CSMD2: variants seen among roughly 807,000 people sequenced by gnomAD.
CSMD2 encodes the protein CUB and sushi domain-containing protein 2.
In CSMD2, 130 loss-of-function variants were observed where a neutral mutation model predicts 398.5. That is an observed-to-expected ratio of 0.33 (90% confidence interval 0.28 to 0.38). The LOEUF is 0.38. Ranked by LOEUF, CSMD2 falls within the 10% of genes least tolerant of loss-of-function variation. The probability of loss-of-function intolerance (pLI) is 1.00; values close to 1 mark genes in which losing one functional copy is unlikely to be tolerated. For missense variants in CSMD2, 3,829 were observed against 4,764.9 expected, an observed-to-expected ratio of 0.80 and a Z score of 5.78; for synonymous variants, 1,828 against 1,908.5, an observed-to-expected ratio of 0.96 and a Z score of 1.10.
At chr1:33,889,532 A>G (rs1258196266) in intron 5 of CSMD2, among the ~76,000 whole-genome samples, 1 of 152,194 alleles carries the variant, frequency 6.6e-6, no homozygotes, top group Non-Finnish European at 1.5e-5. Flanking sequence ...TATTTTAAAG[A>G]AAGCTATCCT....
chr1:33,710,543 G>A (rs889120751), intron 21 of CSMD2, among the ~76,000 whole-genome samples: 5 of 152,158 alleles, frequency 3.3e-5, no homozygotes, highest in African/African-American at 1.2e-4. Flanking sequence ...TGGACATATG[G>A]GGAATTTGGA....
At position 33,935,013 on chromosome 1, in the gene CSMD2, T is replaced by TA. The variant is rs537683892; in HGVS notation, c.712+746dup. On this transcript the variant is annotated intron_variant, in intron 4 of 70. Transcript: ENST00000373381. Reference sequence around the variant, plus strand: ...AGGAAGATCCTGTCTCAAATAAAATTAAAAAAAAAAAAAAAAAGAAAAAAG... The same window carrying TA: ...AGGAAGATCCTGTCTCAAATAAAATTAAAAAAAAAAAAAAAAAAGAAAAAAG... Among the ~76,000 whole-genome samples the TA allele has an allele frequency of 9.7e-3, 410 of 42,300 alleles. 1 individual carries two copies. Among genetic ancestry groups the TA allele is most frequent in the African/African-American group, 0.016 (252 of 15,688 alleles). 27.8% of individuals were successfully genotyped at this position (42,300 alleles called of 152,430 possible).
At chr1:33,921,826 G>A (rs1043857419) in intron 4 of CSMD2, among the ~76,000 whole-genome samples, 9 of 152,302 alleles carry the variant, frequency 5.9e-5, no homozygotes, top group African/African-American at 1.9e-4. Context: ...TTAGAAAGAT[G>A]ATTTGGTCCC....
At chr1:33,705,577 A>C (rs1486139950) in intron 22 of CSMD2, among the ~76,000 whole-genome samples, 5 of 152,114 alleles carry the variant, frequency 3.3e-5, no homozygotes, top group Admixed American at 3.3e-4. Context: ...CCTGTAAAAT[A>C]GTTAAGGCCT....
At chr1:33,863,848 A>G in intron 5 of CSMD2, 1 of 200,540 alleles carries the variant, frequency 5.0e-6, no homozygotes, top group Non-Finnish European at 1.0e-5. Flanking sequence ...AGCCAAGGAG[A>G]ATTATTTCTG....
chr1:33,816,950 T>C (rs1657533956), intron 9 of CSMD2, among the ~76,000 whole-genome samples: 1 of 152,208 alleles, frequency 6.6e-6, no homozygotes. Context: ...ATAATACCAT[T>C]ATTATGGTAA....
intron 5 of CSMD2, among the ~76,000 whole-genome samples, chr1:33,855,571 A>G (rs938429653): frequency 4.6e-5 from 7 of 152,184 alleles, no homozygotes; most frequent in African/African-American, 1.7e-4. Flanking sequence ...TTTATCCTCC[A>G]GGAGTCAGTC....
At chr1:33,794,316 G>A (rs1654689263) in intron 10 of CSMD2, among the ~76,000 whole-genome samples, 1 of 152,224 alleles carries the variant, frequency 6.6e-6, no homozygotes, top group Non-Finnish European at 1.5e-5. Context: ...ACGTCAGTGG[G>A]TCTACAGATA....
chr1:34,100,945 C>A (rs1273082765), intron 1 of CSMD2, among the ~76,000 whole-genome samples: 1 of 152,162 alleles, frequency 6.6e-6, no homozygotes, highest in Non-Finnish European at 1.5e-5. Flanking sequence ...TGACCTCTCT[C>A]AGGGATGGCT....
intron 4 of CSMD2, among the ~76,000 whole-genome samples, chr1:33,929,420 A>G (rs1309348475): frequency 6.9e-6 from 1 of 144,008 alleles, no homozygotes; most frequent in Admixed American, 6.9e-5. Flanking sequence ...TGAACTCAGA[A>G]CCAAGCCTAT....
rs936900076 is a variant in CSMD2, at chr1:33,929,432, C to CTTT, written c.712+6325_712+6327dup. Among the ~76,000 whole-genome samples the CTTT allele has an allele frequency of 2.9e-3, 294 of 100,654 alleles. 40 individuals carry two copies. The highest frequency in any genetic ancestry group is 0.015 in the Middle Eastern group (2 of 130). The allele number at this position is 100,654 out of a possible 152,430, so 66.0% of individuals were successfully genotyped here. A position where few individuals can be genotyped will look rare whatever the true frequency, so the allele number is the denominator to read the frequency against. On this transcript the variant is annotated intron_variant, in intron 4 of 70. Transcript: ENST00000373381. Reference sequence around the variant, plus strand: ...TCCTGAACTCAGAACCAAGCCTATACTTTTTTTTTTTTTTTTTTTTTTTGA... The same window carrying CTTT: ...TCCTGAACTCAGAACCAAGCCTATACTTTTTTTTTTTTTTTTTTTTTTTTTTGA...
At chr1:33,749,197 C>T (rs10914772) in intron 13 of CSMD2, among the ~76,000 whole-genome samples, 1 of 148,068 alleles carries the variant, frequency 6.8e-6, no homozygotes, top group African/African-American at 2.5e-5. Flanking sequence ...CCCCCAGGTT[C>T]ACGCCATTCT....
chr1:34,094,813 G>T (rs913454830), intron 1 of CSMD2, among the ~76,000 whole-genome samples: 6 of 151,826 alleles, frequency 4.0e-5, no homozygotes, highest in Non-Finnish European at 8.8e-5. Context: ...AATAATGGGA[G>T]ACTTTAACAC....
intron 6 of CSMD2, among the ~76,000 whole-genome samples, chr1:33,836,735 G>T (rs565484030): frequency 6.6e-6 from 1 of 152,288 alleles, no homozygotes; most frequent in African/African-American, 2.4e-5. Context: ...GGGTGGGAGT[G>T]ACCCGATTTT....
At chr1:33,573,459 A>G (rs547428465) in intron 49 of CSMD2, among the ~76,000 whole-genome samples, 1 of 152,226 alleles carries the variant, frequency 6.6e-6, no homozygotes, top group East Asian at 1.9e-4. Flanking sequence ...ATCTTGAGAA[A>G]GTCAAGGTGA....
At chr1:34,143,820 T>C (rs1333824306) in intron 1 of CSMD2, among the ~76,000 whole-genome samples, 1 of 152,182 alleles carries the variant, frequency 6.6e-6, no homozygotes, top group Non-Finnish European at 1.5e-5. Flanking sequence ...TTTTGGCCCC[T>C]TGTCTGCAAA....
chr1:33,803,597 T>C (rs1179955459), intron 10 of CSMD2, among the ~76,000 whole-genome samples: 1 of 152,216 alleles, frequency 6.6e-6, no homozygotes, highest in Non-Finnish European at 1.5e-5. Flanking sequence ...CAATATTGAA[T>C]AAGACCTCTC....
chr1:33,930,185 C>T (rs944260769), intron 4 of CSMD2, among the ~76,000 whole-genome samples: 3 of 152,216 alleles, frequency 2.0e-5, no homozygotes, highest in Non-Finnish European at 2.9e-5. Flanking sequence ...TCATAACAGG[C>T]ACTCAAGAGA....
intron 6 of CSMD2, among the ~76,000 whole-genome samples, chr1:33,844,580 C>T (rs1304499879): frequency 6.6e-6 from 1 of 152,170 alleles, no homozygotes; most frequent in Non-Finnish European, 1.5e-5. Flanking sequence ...CATTTATTAA[C>T]AGAATCACAA....
Sources: gnomAD v4.1 joint callset for allele counts (sites outside exome capture counted in the v4.1 genomes callset) on GRCh38, gnomAD v4.1.1 for gene constraint, MANE v1.5 for transcripts, NCBI Gene and HGNC (gene_info 2026-07-23, HGNC 2026-07-21) for gene names.